Variants in PIGL observed in about 807,000 individuals in gnomAD.
PIGL encodes N-acetylglucosaminyl-phosphatidylinositol de-N-acetylase.
A neutral mutation model predicts 31.1 loss-of-function variants in PIGL; 22 were observed. That is an observed-to-expected ratio of 0.71 (90% CI 0.51 to 1.01). PIGL has a LOEUF of 1.01. Ranked by LOEUF, PIGL falls within the 50% of genes least tolerant of loss-of-function variation. The pLI is 0.00. For missense variants in PIGL, 302 were observed against 315.9 expected, an observed-to-expected ratio of 0.96 and a Z score of 0.33; for synonymous variants, 131 against 117.4, an observed-to-expected ratio of 1.12 and a Z score of -0.75.
In PIGL at chr17:16,317,875, C is replaced by T. The variant is rs146164310; in HGVS notation, c.627C>T (p.Phe209=). 40 of 1,613,880 alleles carry T rather than the reference C, an allele frequency of 2.5e-5. No homozygotes were observed. In the African/African-American group the frequency reaches 3.1e-4, roughly 12 times the overall value. Reference sequence around the variant, plus strand: ...TGCTTCATACGCAGGATGTCCTCTTCGTGCTCAACAGCAAAGAAGTGGCAC... The same window carrying T: ...TGCTTCATACGCAGGATGTCCTCTTTGTGCTCAACAGCAAAGAAGTGGCAC... ...LSLLHTQDVL[F]VLNSKEVAQA... The change falls in exon 6 of 7, where the codon TTC becomes TTT. Residue 209 remains phenylalanine (F), a synonymous_variant. Coordinates refer to ENST00000225609, the MANE Select transcript of PIGL (RefSeq NM_004278.4).
chr17:16,292,396 TAA>T (rs60665148), intron 2 of PIGL, among the ~76,000 whole-genome samples: 28 of 146,764 alleles, frequency 1.9e-4, no homozygotes, highest in Admixed American at 2.7e-4. Context: ...TCTTTCTCTT[TAA>T]AAAAAAAAAA....
chr17:16,282,760 C>A lies in PIGL; in HGVS notation c.336-17128C>A, dbSNP rs1232568505. 3.3e-5 allele frequency among the ~76,000 whole-genome samples: 5 copies of A among 152,162 alleles called. No homozygotes were observed. In the East Asian group the frequency reaches 7.7e-4, roughly 23 times the overall value. ...TGCAGAATGCAGCTCATACATATAT[C>A]CTGATGTGATGTTGGCACCTCTCAA... On this transcript the variant is annotated intron_variant, in intron 2 of 6. Coordinates refer to ENST00000225609, the MANE Select transcript of PIGL (RefSeq NM_004278.4).
Position 16,321,785 on chromosome 17 carries a change from T to C in PIGL, c.660+3877T>C, listed in dbSNP as rs143898899. ...CTTTCTTTCTTTCTTTTTACTGTTA[T>C]TTTATGGTTTTTTTTTGAGACGGAG... On this transcript the variant is annotated intron_variant, in intron 6 of 6. Transcript: ENST00000225609. 7.7e-3 allele frequency among the ~76,000 whole-genome samples: 1,174 copies of C among 152,004 alleles called. 20 individuals carry two copies. The highest frequency in any genetic ancestry group is 0.026 in the African/African-American group (1,092 of 41,456).
chr17:16,296,218 T>C (rs2092981336), intron 2 of PIGL, among the ~76,000 whole-genome samples: 1 of 152,196 alleles, frequency 6.6e-6, no homozygotes, highest in Non-Finnish European at 1.5e-5. Context: ...TTTACCTCAA[T>C]GAGTCATCTT....
intron 2 of PIGL, among the ~76,000 whole-genome samples, chr17:16,252,351 T>C (rs2092776434): frequency 6.6e-6 from 1 of 151,978 alleles, no homozygotes; most frequent in African/African-American, 2.4e-5. Flanking sequence ...GGATTACAGG[T>C]GTGAGCCACC....
chr17:16,269,793 G>A (rs1324169082), intron 2 of PIGL, among the ~76,000 whole-genome samples: 4 of 152,006 alleles, frequency 2.6e-5, no homozygotes, highest in African/African-American at 2.4e-5. Flanking sequence ...TGATCCTAAG[G>A]CACAGTAATG....
At chr17:16,270,811 T>C (rs1203361163) in intron 2 of PIGL, among the ~76,000 whole-genome samples, 1 of 151,744 alleles carries the variant, frequency 6.6e-6, no homozygotes, top group African/African-American at 2.4e-5. Context: ...GAGAATCACT[T>C]GAACCCGGGA....
chr17:16,260,397 T>A lies in PIGL; in HGVS notation c.335+26327T>A, dbSNP rs912441692. 3.9e-5 allele frequency among the ~76,000 whole-genome samples: 6 copies of A among 152,024 alleles called. No individual in the cohort carries two copies. The South Asian group carries it at 6.2e-4, about 16-fold the overall frequency. On this transcript the variant is annotated intron_variant, in intron 2 of 6. Coordinates refer to ENST00000225609, the MANE Select transcript of PIGL (RefSeq NM_004278.4). Reference sequence around the variant, plus strand: ...ATGGACCAATTCAGCACTCATTTCCTCCCCTCTGAAGCCCATAAAAACCTC... The same window carrying A: ...ATGGACCAATTCAGCACTCATTTCCACCCCTCTGAAGCCCATAAAAACCTC...
intron 2 of PIGL, among the ~76,000 whole-genome samples, chr17:16,263,401 A>G (rs924591412): frequency 6.6e-6 from 1 of 151,996 alleles, no homozygotes; most frequent in South Asian, 2.1e-4. Context: ...TCTGGTCTCA[A>G]ACTCATGACT....
intron 2 of PIGL, among the ~76,000 whole-genome samples, chr17:16,255,151 G>A (rs1413373811): frequency 2.6e-5 from 4 of 152,174 alleles, no homozygotes; most frequent in Non-Finnish European, 4.4e-5. Context: ...AGTCTTAAGT[G>A]AAATTGTTTT....
At chr17:16,250,166 C>T (rs9909022) in intron 2 of PIGL, among the ~76,000 whole-genome samples, 57,396 of 151,964 alleles carry the variant, frequency 0.38, 12,368 homozygotes, top group Middle Eastern at 0.51. Context: ...AGGCTGGTCT[C>T]GAACTCCTGA....
chr17:16,311,502 C>G (rs958102802), intron 3 of PIGL, among the ~76,000 whole-genome samples: 38 of 74,800 alleles, frequency 5.1e-4, no homozygotes, highest in African/African-American at 1.6e-3. Context: ...GGGTGTTTCT[C>G]GAAGAGGGGG....
chr17:16,222,108 C>A (rs2092632095), intron 1 of PIGL, among the ~76,000 whole-genome samples: 1 of 152,054 alleles, frequency 6.6e-6, no homozygotes, highest in African/African-American at 2.4e-5. Flanking sequence ...TAAACATTAT[C>A]TATTCTGCTG....
chr17:16,261,082 G>A (rs2092817310), intron 2 of PIGL, among the ~76,000 whole-genome samples: 1 of 147,728 alleles, frequency 6.8e-6, no homozygotes, highest in East Asian at 2.0e-4. Context: ...TCATGCTACT[G>A]CACTTCAGCC....
intron 6 of PIGL, among the ~76,000 whole-genome samples, chr17:16,320,444 AGAAGGAAGG>A (rs1338881909): frequency 1.1e-5 from 1 of 93,494 alleles, no homozygotes; most frequent in Non-Finnish European, 1.9e-5. Flanking sequence ...AGGGAAGGAA[AGAAGGAAGG>A]GAGGGAAGGA....
chr17:16,233,393 G>T (rs761903961), intron 1 of PIGL, among the ~76,000 whole-genome samples: 1 of 152,096 alleles, frequency 6.6e-6, no homozygotes, highest in East Asian at 1.9e-4. Flanking sequence ...GTTGTTTGGG[G>T]TGCCAATGGG....
Position 16,308,868 on chromosome 17 carries a change from AACCTTGG to A in PIGL, c.427-4675_427-4669del, listed in dbSNP as rs961885069. 3.7e-4 allele frequency among the ~76,000 whole-genome samples: 51 copies of A among 137,188 alleles called. 1 individual carries two copies. Among genetic ancestry groups the A allele is most frequent in the Middle Eastern group, 8.5e-3 (2 of 234 alleles). The allele number at this position is 137,188 out of a possible 152,430, so 90.0% of individuals were successfully genotyped here. A position where few individuals can be genotyped will look rare whatever the true frequency, so the allele number is the denominator to read the frequency against. Reference sequence around the variant, plus strand: ...GAATGGTGTGATCATGGCTCACTGTAACCTTGGACCCCTGGACTCCTTGAAATCCTGT... The same window carrying A: ...GAATGGTGTGATCATGGCTCACTGTAACCCCTGGACTCCTTGAAATCCTGT... On this transcript the variant is annotated intron_variant, in intron 3 of 6. Transcript: ENST00000225609.
chr17:16,228,809 C>T (rs2092665582), intron 1 of PIGL, among the ~76,000 whole-genome samples: 1 of 152,172 alleles, frequency 6.6e-6, no homozygotes, highest in African/African-American at 2.4e-5. Context: ...ATTCCTTTTC[C>T]CCTCCTCTCC....
At position 16,295,818 on chromosome 17, in the gene PIGL, G is replaced by C. The variant is rs539937525; in HGVS notation, c.336-4070G>C. On this transcript the variant is annotated intron_variant, in intron 2 of 6. Transcript: ENST00000225609. ...TAGCTGGGCATGGTGGCACATGCCT[G>C]TAATCCCAGCTACTCGGGAAGCTGA... 2.0e-5 allele frequency among the ~76,000 whole-genome samples: 3 copies of C among 152,228 alleles called. No individual in the cohort carries two copies. In the South Asian group the frequency reaches 6.2e-4, roughly 32 times the overall value.
Sources: gnomAD v4.1 joint callset for allele counts (sites outside exome capture counted in the v4.1 genomes callset) on GRCh38, gnomAD v4.1.1 for gene constraint, MANE v1.5 for transcripts, NCBI Gene and HGNC (gene_info 2026-07-23, HGNC 2026-07-21) for gene names.